Variants in SHC4 observed in about 807,000 individuals in gnomAD.
The protein encoded by SHC4 is SHC-transforming protein 4.
Under a neutral mutation model 69.4 loss-of-function variants are expected in SHC4, and 41 were observed. The ratio of observed to expected loss-of-function variants is 0.59; its 90% confidence interval spans 0.46 to 0.77. SHC4 has a LOEUF of 0.77. Ranked by LOEUF, SHC4 falls within the 30% of genes least tolerant of loss-of-function variation. SHC4 has a pLI of 0.00. For synonymous variants in SHC4, 318 were observed against 299.3 expected, an observed-to-expected ratio of 1.06 and a Z score of -0.64; for missense variants, 777 against 783.8, an observed-to-expected ratio of 0.99 and a Z score of 0.10.
chr15:48,878,971 C>G (rs762360913), intron 4 of SHC4: 91 of 444,254 alleles, frequency 2.0e-4, no homozygotes, highest in Middle Eastern at 6.1e-4. Flanking sequence ...TTATCAAGAA[C>G]GTCCTAAAAC....
chr15:48,896,261 CCTCCCTCTCCCTCTCTCTCTCTCTCT>C lies in SHC4; in HGVS notation c.657-5476_657-5451del, dbSNP rs1469373432. On this transcript the variant is annotated intron_variant, in intron 2 of 11. Coordinates refer to ENST00000332408, the MANE Select transcript of SHC4 (RefSeq NM_203349.4). ...CTCCCTCTCTCTTTCTCTCTCTCTC[CCTCCCTCTCCCTCTCTCTCTCTCTCT>C]CTCCCTCCCTCTCCCTCTCTCTCTC... 1.0e-4 allele frequency among the ~76,000 whole-genome samples: 14 copies of C among 135,576 alleles called. No homozygotes were observed. In the East Asian group the frequency reaches 2.9e-3, roughly 28 times the overall value. The allele number at this position is 135,576 out of a possible 152,430, so 88.9% of individuals were successfully genotyped here.
intron 1 of SHC4, among the ~76,000 whole-genome samples, chr15:48,931,334 T>C (rs1013753110): frequency 1.3e-5 from 2 of 152,228 alleles, no homozygotes; most frequent in African/African-American, 2.4e-5. Flanking sequence ...CTCATGCTCA[T>C]GCCACACACA....
chr15:48,959,635 T>G (rs553977953), intron 1 of SHC4, among the ~76,000 whole-genome samples: 1 of 152,356 alleles, frequency 6.6e-6, no homozygotes, highest in South Asian at 2.1e-4. Context: ...CTCAGTTCTC[T>G]CCTATGAATC....
intron 1 of SHC4, among the ~76,000 whole-genome samples, chr15:48,950,949 C>G (rs2141039442): frequency 6.6e-6 from 1 of 152,192 alleles, no homozygotes; most frequent in Middle Eastern, 3.4e-3. Context: ...ACCAACCTCT[C>G]TCTCCTGGAA....
At chr15:48,960,105 A>G (rs1386424152) in intron 1 of SHC4, among the ~76,000 whole-genome samples, 1 of 152,208 alleles carries the variant, frequency 6.6e-6, no homozygotes, top group Admixed American at 6.5e-5. Context: ...TGTGAGGTTC[A>G]TTTGGGTCGT....
intron 9 of SHC4, among the ~76,000 whole-genome samples, chr15:48,845,429 G>A (rs892096381): frequency 1.3e-5 from 2 of 152,160 alleles, no homozygotes; most frequent in Non-Finnish European, 2.9e-5. Flanking sequence ...AGTTGACAGG[G>A]TGCCTCATCT....
chr15:48,893,551 C>T (rs1366565045), intron 2 of SHC4, among the ~76,000 whole-genome samples: 1 of 152,096 alleles, frequency 6.6e-6, no homozygotes, highest in African/African-American at 2.4e-5. Flanking sequence ...TTTGTTGACC[C>T]CTGGATCCGA....
intron 10 of SHC4, among the ~76,000 whole-genome samples, chr15:48,837,436 T>C (rs1898919343): frequency 6.6e-6 from 1 of 152,168 alleles, no homozygotes; most frequent in African/African-American, 2.4e-5. Flanking sequence ...TAATCACCTA[T>C]GGTCTCATCA....
At chr15:48,898,885 T>A (rs1459660635) in intron 2 of SHC4, among the ~76,000 whole-genome samples, 1 of 152,166 alleles carries the variant, frequency 6.6e-6, no homozygotes, top group Non-Finnish European at 1.5e-5. Flanking sequence ...ACATGGGAAT[T>A]TATAAATTCA....
chr15:48,955,972 C>T (rs2141041951), intron 1 of SHC4, among the ~76,000 whole-genome samples: 1 of 152,226 alleles, frequency 6.6e-6, no homozygotes, highest in South Asian at 2.1e-4. Context: ...TCACTGATCT[C>T]TAAGACTCTT....
rs964767211 is a variant in SHC4, at chr15:48,883,232, A to G, written c.840+1016T>C. On this transcript the variant is annotated intron_variant, in intron 4 of 11. Transcript: ENST00000332408. The stretch of plus-strand genomic sequence containing the variant: ...GACTGGCACATGCTATATAATTTAC[A>G]TCTATTATCTCATTTAATCCTCTAA... Among the ~76,000 whole-genome samples the G allele has an allele frequency of 1.6e-4, 25 of 152,286 alleles. No homozygotes were observed. The Middle Eastern group carries it at 0.01, about 62-fold the overall frequency.
At chr15:48,896,326 T>C (rs1595748980) in intron 2 of SHC4, among the ~76,000 whole-genome samples, 1 of 98,466 alleles carries the variant, frequency 1.0e-5, no homozygotes, top group Non-Finnish European at 2.0e-5. Context: ...CTTTTCTTTC[T>C]TTTTTTTTTT....
Position 48,892,461 on chromosome 15 carries a change from C to G in SHC4, c.657-1650G>C, listed in dbSNP as rs77583596. 5.9e-5 allele frequency among the ~76,000 whole-genome samples: 9 copies of G among 152,066 alleles called. No homozygotes were observed. The East Asian group carries it at 1.8e-3, about 30-fold the overall frequency. ...GATTCTATCCTTTGTTCTCTGGAGT[C>G]AAATAGAAGGATAACACAGATAGTT... On this transcript the variant is annotated intron_variant, in intron 2 of 11. Coordinates refer to ENST00000332408, the MANE Select transcript of SHC4 (RefSeq NM_203349.4).
chr15:48,870,015 A>G (rs1188493640), intron 5 of SHC4, among the ~76,000 whole-genome samples: 2 of 152,248 alleles, frequency 1.3e-5, no homozygotes, highest in African/African-American at 4.8e-5. Flanking sequence ...TCTGGAGAAC[A>G]ATAACAGAAA....
chr15:48,907,530 C>G (rs949082336), intron 2 of SHC4, among the ~76,000 whole-genome samples: 6 of 152,072 alleles, frequency 3.9e-5, no homozygotes, highest in Middle Eastern at 6.8e-3. Context: ...ATACACTGCA[C>G]CATACTTATA....
intron 2 of SHC4, among the ~76,000 whole-genome samples, chr15:48,907,504 T>C (rs1900425978): frequency 6.6e-6 from 1 of 152,000 alleles, no homozygotes; most frequent in Non-Finnish European, 1.5e-5. Context: ...TTCAATGCAC[T>C]CATCACCCGA....
intron 1 of SHC4, among the ~76,000 whole-genome samples, chr15:48,953,917 G>A (rs1901403905): frequency 6.6e-6 from 1 of 152,172 alleles, no homozygotes; most frequent in African/African-American, 2.4e-5. Flanking sequence ...AAAGTGGTGT[G>A]AACTATAATT....
chr15:48,914,692 C>T (rs1426899491), intron 2 of SHC4, among the ~76,000 whole-genome samples: 1 of 152,150 alleles, frequency 6.6e-6, no homozygotes, highest in Non-Finnish European at 1.5e-5. Context: ...ATATTGAATA[C>T]TTCAGTACTC....
At chr15:48,884,142 A>G in intron 4 of SHC4, 106 bp downstream of exon 4, 4 of 1,261,988 alleles carry the variant, frequency 3.2e-6, no homozygotes, top group African/African-American at 1.6e-5. Context: ...CTTGTGCTGT[A>G]TTAGGTTGTA....
Sources: allele counts gnomAD v4.1 joint callset (sites outside exome capture counted in the v4.1 genomes callset), GRCh38; gene constraint gnomAD v4.1.1; transcripts MANE v1.5; gene names NCBI Gene and HGNC (gene_info 2026-07-23, HGNC 2026-07-21).